The following PDSS2 variants were observed in gnomAD, a reference collection of about 807,000 sequenced individuals.
PDSS2 encodes decaprenyl diphosphate synthase subunit 2.
In PDSS2, 31 loss-of-function variants were observed where a neutral mutation model predicts 44.5. The observed-to-expected ratio is 0.70, with a 90% CI of 0.52 to 0.94. The LOEUF is 0.94. Among genes scored for constraint, PDSS2 ranks in the 40% least tolerant of loss-of-function variants. The pLI, the probability that PDSS2 is intolerant of heterozygous loss-of-function variation, is 0.00. For synonymous variants in PDSS2, 157 were observed against 180.3 expected, an observed-to-expected ratio of 0.87 and a Z score of 1.03; for missense variants, 452 against 482.2, an observed-to-expected ratio of 0.94 and a Z score of 0.59.
chr6:107,406,160 T>A (rs1174685907), intron 1 of PDSS2, among the ~76,000 whole-genome samples: 1 of 152,180 alleles, frequency 6.6e-6, no homozygotes, highest in African/African-American at 2.4e-5. Flanking sequence ...CTATTAATAA[T>A]ATAGTCAGGT....
chr6:107,328,099 G>A (rs561441715), intron 2 of PDSS2, among the ~76,000 whole-genome samples: 7 of 152,328 alleles, frequency 4.6e-5, no homozygotes, highest in African/African-American at 1.7e-4. Context: ...TGCCTACTCT[G>A]AAGGAGTGGG....
At chr6:107,229,262 C>T (rs1773950390) in intron 4 of PDSS2, among the ~76,000 whole-genome samples, 1 of 152,154 alleles carries the variant, frequency 6.6e-6, no homozygotes, top group African/African-American at 2.4e-5. Context: ...TCTCGGCTCA[C>T]TGCAACCTCC....
At chr6:107,261,523 C>T (rs2114882630) in intron 3 of PDSS2, among the ~76,000 whole-genome samples, 1 of 151,918 alleles carries the variant, frequency 6.6e-6, no homozygotes, top group East Asian at 1.9e-4. Context: ...AACCATAAGC[C>T]AATTAAACCT....
chr6:107,247,839 T>TAA (rs10648723), intron 3 of PDSS2, among the ~76,000 whole-genome samples: 32,785 of 87,776 alleles, frequency 0.37, 6,934 homozygotes, highest in African/African-American at 0.53. Context: ...CTGTCTCTAC[T>TAA]AAAAAAAAAA....
At chr6:107,407,433 T>A (rs1331559907) in intron 1 of PDSS2, among the ~76,000 whole-genome samples, 3 of 152,218 alleles carry the variant, frequency 2.0e-5, no homozygotes, top group Non-Finnish European at 4.4e-5. Flanking sequence ...ACATGGTGAA[T>A]TTTATGTTAT....
chr6:107,407,167 A>G (rs1780347376), intron 1 of PDSS2, among the ~76,000 whole-genome samples: 1 of 152,250 alleles, frequency 6.6e-6, no homozygotes, highest in South Asian at 2.1e-4. Flanking sequence ...GAGCCTTGAA[A>G]ACATTATGGT....
At chr6:107,159,759 AG>A (rs1771056865) in intron 7 of PDSS2, among the ~76,000 whole-genome samples, 1 of 152,094 alleles carries the variant, frequency 6.6e-6, no homozygotes, top group Non-Finnish European at 1.5e-5. Context: ...AATTGATATT[AG>A]GCAGACCAAC....
At position 107,236,011 on chromosome 6, in the gene PDSS2, GA is replaced by G. The variant is rs1397057710; in HGVS notation, c.702+9536del. 4.1e-4 allele frequency among the ~76,000 whole-genome samples: 61 copies of G among 150,006 alleles called. 1 individual carries two copies. Among genetic ancestry groups the G allele is most frequent in the Admixed American group, 3.7e-3 (56 of 15,028 alleles). The stretch of plus-strand genomic sequence containing the variant: ...ATAAAAGAGGATAAAAGGAAAGTCA[GA>G]AAAAAAAATTGAAGAAATAATAATC... On this transcript the variant is annotated intron_variant, in intron 4 of 7. Transcript: ENST00000369037.
chr6:107,163,994 T>C lies in PDSS2; in HGVS notation c.1042-9217A>G, dbSNP rs560447255. Among the ~76,000 whole-genome samples the C allele has an allele frequency of 6.6e-5, 10 of 152,294 alleles. No individual in the cohort carries two copies. The East Asian group carries it at 1.7e-3, about 26-fold the overall frequency. On this transcript the variant is annotated intron_variant, in intron 7 of 7. Coordinates refer to ENST00000369037, the MANE Select transcript of PDSS2 (RefSeq NM_020381.4). ...GCCGTAAGACTCATGTGGGGAACTT[T>C]AAAATGCAGATGCCTAGGCCTCTAG... is the stretch of plus-strand genomic sequence containing the variant.
chr6:107,377,183 A>T (rs1307832976), intron 1 of PDSS2, among the ~76,000 whole-genome samples: 1 of 148,770 alleles, frequency 6.7e-6, no homozygotes, highest in African/African-American at 2.5e-5. Context: ...AACTCCAACA[A>T]ATTTACAAGA....
intron 1 of PDSS2, among the ~76,000 whole-genome samples, chr6:107,361,891 T>C (rs1778786480): frequency 6.6e-6 from 1 of 152,224 alleles, no homozygotes; most frequent in African/African-American, 2.4e-5. Flanking sequence ...CTCCATCCCC[T>C]TGCTTTATCA....
intron 1 of PDSS2, among the ~76,000 whole-genome samples, chr6:107,347,339 C>T (rs571079506): frequency 1.9e-4 from 28 of 149,352 alleles, no homozygotes; most frequent in Non-Finnish European, 3.7e-4. Flanking sequence ...CTCAGCTCTC[C>T]ACATCCCGGG....
intron 1 of PDSS2, among the ~76,000 whole-genome samples, chr6:107,382,669 C>G (rs1204703964): frequency 1.3e-5 from 2 of 152,046 alleles, no homozygotes; most frequent in African/African-American, 4.8e-5. Flanking sequence ...GAGACTCCCT[C>G]TCTACAAAAA....
rs890435097 is a variant in PDSS2, at chr6:107,226,913, C to T, written c.703-14631G>A. On this transcript the variant is annotated intron_variant, in intron 4 of 7. Coordinates refer to ENST00000369037, the MANE Select transcript of PDSS2 (RefSeq NM_020381.4). The stretch of plus-strand genomic sequence containing the variant: ...GTCTTGAGCTCCTGATCTCATGATC[C>T]GCCTGCCTCAGTCTTCCAAAGTGCT... 2.4e-4 allele frequency among the ~76,000 whole-genome samples: 37 copies of T among 151,160 alleles called. 1 individual carries two copies. The highest frequency in any genetic ancestry group is 8.6e-4 in the Admixed American group (13 of 15,176).
chr6:107,323,323 T>G (rs888344504), intron 2 of PDSS2, among the ~76,000 whole-genome samples: 1 of 152,204 alleles, frequency 6.6e-6, no homozygotes, highest in African/African-American at 2.4e-5. Context: ...TAAGAAATAT[T>G]CAGTGTCTTT....
intron 3 of PDSS2, among the ~76,000 whole-genome samples, chr6:107,271,697 A>T (rs547065156): frequency 6.6e-6 from 1 of 152,302 alleles, no homozygotes; most frequent in African/African-American, 2.4e-5. Flanking sequence ...GGGAAGTGTT[A>T]GTTGTGTCTG....
chr6:107,241,246 A>T (rs1177409162), intron 4 of PDSS2, among the ~76,000 whole-genome samples: 5 of 40,456 alleles, frequency 1.2e-4, no homozygotes, highest in East Asian at 6.2e-4. Flanking sequence ...GAGACTCGGT[A>T]AAAAAAAAAA....
At chr6:107,283,102 T>A (rs924310869) in intron 2 of PDSS2, among the ~76,000 whole-genome samples, 1 of 151,348 alleles carries the variant, frequency 6.6e-6, no homozygotes, top group Admixed American at 6.6e-5. Flanking sequence ...GGAGGATTGC[T>A]TCGCCCAGGA....
chr6:107,432,409 CA>C (rs1781218808), intron 1 of PDSS2, among the ~76,000 whole-genome samples: 1 of 152,152 alleles, frequency 6.6e-6, no homozygotes, highest in East Asian at 1.9e-4. Flanking sequence ...TGATATTTCT[CA>C]ATACATGCAT....
Sources: allele counts gnomAD v4.1 joint callset (sites outside exome capture counted in the v4.1 genomes callset), GRCh38; gene constraint gnomAD v4.1.1; transcripts MANE v1.5; gene names NCBI Gene and HGNC (gene_info 2026-07-23, HGNC 2026-07-21).